The following TIE1 variants were observed in gnomAD, a reference collection of about 807,000 sequenced individuals.
The protein encoded by TIE1 is tyrosine-protein kinase receptor Tie-1.
Under a neutral mutation model 130.5 loss-of-function variants are expected in TIE1, and 89 were observed. The observed-to-expected ratio is 0.68, with a 90% CI of 0.57 to 0.81. TIE1 has a LOEUF of 0.81. Among genes scored for constraint, TIE1 ranks in the 40% least tolerant of loss-of-function variants. TIE1 has a pLI of 0.00. For synonymous variants in TIE1, 568 were observed against 629.4 expected (o/e 0.90, Z 1.46); for missense variants, 1,392 against 1,559.8 (o/e 0.89, Z 1.81).
In TIE1 at chr1:43,313,949, T is replaced by C; in HGVS notation, c.2390T>C (p.Phe797Ser). 2.5e-6 allele frequency: 4 copies of C among 1,614,162 alleles called. No individual in the cohort carries two copies. The highest frequency in any genetic ancestry group is 3.4e-6 in the Non-Finnish European group (4 of 1,180,024). The change falls in exon 14 of 23, where the codon TTC (phenylalanine) becomes TCC (serine). Residue 797 changes from phenylalanine to serine, a missense_variant. By Grantham distance (155) the Phe-to-Ser change is radical. Around this residue, in one of 6 missense-constraint regions of TIE1, gnomAD observed 286 missense variants for 354.4 expected, o/e 0.81. Transcript: ENST00000372476. The surrounding 1 kb of genome is among the most constrained non-coding windows in gnomAD (Gnocchi z 6.2). ...AGCTGCCTGCATCGGAGACGCACCT[T>C]CACCTACCAGTCAGGCTCGGTCAGT... The part of the protein sequence containing the change: ...RRSCLHRRRT[F>S]TYQSGSGEET...
At chr1:43,314,241 T>C (rs1646837048) in intron 14 of TIE1, 1 of 702,138 alleles carries the variant, frequency 1.4e-6, no homozygotes, top group South Asian at 1.9e-5. Context: ...TATTTCACAA[T>C]GGACATTCCA....
chr1:43,307,995 AAG>A lies in TIE1; in HGVS notation c.1042+76_1042+77del. The A allele has an allele frequency of 6.3e-7, 1 of 1,589,868 alleles. No homozygotes were observed. Among genetic ancestry groups the A allele is most frequent in the Non-Finnish European group, 8.6e-7 (1 of 1,165,258 alleles). On this transcript the variant is annotated intron_variant, in intron 7 of 22. Transcript: ENST00000372476. The surrounding 1 kb of genome is among the most constrained non-coding windows in gnomAD (Gnocchi z 5.4). ...TTTACCAAACACATCTCCCCGGTGG[AAG>A]AGAGTAGTCCCTCCTTTCCCTACGA...
In TIE1 at chr1:43,307,388, A is replaced by G. The variant is rs1376012029; in HGVS notation, c.773-44A>G. ...AGGGCGACAGGCAGGTCCTGGGCCC[A>G]GGGGCCCACAGAGGCCCATACACCC... On this transcript the variant is annotated intron_variant, in intron 5 of 22. Coordinates refer to ENST00000372476, the MANE Select transcript of TIE1 (RefSeq NM_005424.5). This position sits in a 1 kb window ranked among gnomAD's most constrained non-coding sequence, Gnocchi z 5.4. 4.3e-6 allele frequency: 7 copies of G among 1,609,698 alleles called. No homozygotes were observed. Among genetic ancestry groups the G allele is most frequent in the Non-Finnish European group, 5.1e-6 (6 of 1,176,744 alleles).
At position 43,304,969 on chromosome 1, in the gene TIE1, G is replaced by A; in HGVS notation, c.177G>A (p.Pro59=). 2 of 1,467,822 alleles carry A rather than the reference G, an allele frequency of 1.4e-6. No individual in the cohort carries two copies. The highest frequency in any genetic ancestry group is 2.8e-5 in the South Asian group (2 of 70,634). 90.9% of individuals were successfully genotyped at this position (1,467,822 alleles called of 1,614,324 possible). Residue 59 remains proline, a synonymous_variant, in exon 2 of 23, where the codon CCG becomes CCA. Coordinates refer to ENST00000372476, the MANE Select transcript of TIE1 (RefSeq NM_005424.5). ...GAGRGSDAWG[P]PLLLEKDDRI... ...GGAGGGGCTCGGACGCCTGGGGCCCGCCCCTGCTGCTGGAGAAGGACGACC... is the reference window on the plus strand; with the variant it reads ...GGAGGGGCTCGGACGCCTGGGGCCCACCCCTGCTGCTGGAGAAGGACGACC...
In TIE1 at chr1:43,318,027, C is replaced by A. The variant is rs953415095; in HGVS notation, c.2877C>A (p.Phe959Leu). Residue 959 changes from phenylalanine (F) to leucine (L), a missense_variant, in exon 17 of 23, where the codon TTC (phenylalanine) becomes TTA (leucine). By Grantham distance (22) the Phe-to-Leu change is conservative. Transcript: ENST00000372476. The surrounding 1 kb of genome is among the most constrained non-coding windows in gnomAD (Gnocchi z 4.4). ...STLSSRQLLR[F>L]ASDAANGMQY... ...TTAGCTCCCGGCAGCTGCTGCGTTT[C>A]GCCAGTGATGCGGCCAATGGCATGC... The A allele has an allele frequency of 6.3e-7, 1 of 1,586,270 alleles. No individual in the cohort carries two copies. Among genetic ancestry groups the A allele is most frequent in the Non-Finnish European group, 8.6e-7 (1 of 1,165,834 alleles).
rs769889504 is a variant in TIE1, at chr1:43,312,166, C to A, written c.1630+35C>A. On this transcript the variant is annotated intron_variant, in intron 11 of 22. Coordinates refer to ENST00000372476, the MANE Select transcript of TIE1 (RefSeq NM_005424.5). The surrounding 1 kb of genome is among the most constrained non-coding windows in gnomAD (Gnocchi z 5.6). ...CAAGAGTCATCCCTTCCTGTCCCCC[C>A]AAGGGTTACTTTCCCGTCGACCCCA... is the stretch of plus-strand genomic sequence containing the variant. 5.9e-6 allele frequency: 9 copies of A among 1,516,520 alleles called. No individual in the cohort carries two copies. Among genetic ancestry groups the A allele is most frequent in the Admixed American group, 4.4e-5 (2 of 45,032 alleles). 93.9% of individuals were successfully genotyped at this position (1,516,520 alleles called of 1,614,324 possible).
intron 1 of TIE1, among the ~76,000 whole-genome samples, chr1:43,301,385 G>C (rs1646668128): frequency 6.6e-6 from 1 of 151,998 alleles, no homozygotes; most frequent in African/African-American, 2.4e-5. Flanking sequence ...ACTTTGGATG[G>C]CTGAGATGGG....
In TIE1 at chr1:43,319,645, C is replaced by A; in HGVS notation, c.3107+116C>A. ...TCTAAGGCATGACCTGGGCTGTGTT[C>A]CAGGTGTGACACAGGTGTGTCTTGG... On this transcript the variant is annotated intron_variant, in intron 19 of 22. Transcript: ENST00000372476. The surrounding 1 kb of genome is among the most constrained non-coding windows in gnomAD (Gnocchi z 4.7). 1 of 1,058,838 alleles carries A rather than the reference C, an allele frequency of 9.4e-7. No individual in the cohort carries two copies. The highest frequency in any genetic ancestry group is 1.5e-6 in the Non-Finnish European group (1 of 689,030). 65.6% of individuals were successfully genotyped at this position (1,058,838 alleles called of 1,614,324 possible).
rs1225372812 is a variant in TIE1 at position 43,307,214 on chromosome 1, A to C, written c.713A>C (p.His238Pro). Residue 238 changes from histidine (H) to proline (P), a missense_variant, in exon 5 of 23, where the codon CAC (histidine) becomes CCC (proline). By Grantham distance (77) the His-to-Pro change is moderately conservative. Around this residue, in one of 6 missense-constraint regions of TIE1, gnomAD observed 415 missense variants for 424.8 expected, o/e 0.98. Coordinates refer to ENST00000372476, the MANE Select transcript of TIE1 (RefSeq NM_005424.5). The surrounding 1 kb of genome is among the most constrained non-coding windows in gnomAD (Gnocchi z 5.4). Reference sequence around the variant, plus strand: ...GGTTGCCTACATGGAGGTGTCTGCCACGACCATGACGGCGAATGTGTATGC... The same window carrying C: ...GGTTGCCTACATGGAGGTGTCTGCCCCGACCATGACGGCGAATGTGTATGC... ...CPGCLHGGVC[H>P]DHDGECVCPP... 1 of 1,614,128 alleles carries C rather than the reference A, an allele frequency of 6.2e-7. No homozygotes were observed. Among genetic ancestry groups the C allele is most frequent in the Non-Finnish European group, 8.5e-7 (1 of 1,180,006 alleles).
rs1646715041 is a variant in TIE1 at position 43,305,166 on chromosome 1, G to A, written c.373+1G>A. On this transcript the variant is annotated splice_donor_variant, in intron 2 of 22. Transcript: ENST00000372476. LOFTEE classifies it high-confidence loss of function. ...ATCTACGTGCACAACAGCCCTGGAG[G>A]TGAGTTAGGCAGGCGGGGGGATGGC... The A allele has an allele frequency of 1.9e-6, 3 of 1,614,088 alleles. No individual in the cohort carries two copies. Among genetic ancestry groups the A allele is most frequent in the Non-Finnish European group, 2.5e-6 (3 of 1,179,984 alleles).
rs549585866 is a variant in TIE1 at position 43,307,228 on chromosome 1, G to A, written c.727G>A (p.Glu243Lys). The change falls in exon 5 of 23, where the codon GAA (glutamate) becomes AAA (lysine). Residue 243 changes from glutamate (E) to lysine (K), a missense_variant. By Grantham distance (56) the Glu-to-Lys change is moderately conservative (BLOSUM62 1). Coordinates refer to ENST00000372476, the MANE Select transcript of TIE1 (RefSeq NM_005424.5). The surrounding 1 kb of genome is among the most constrained non-coding windows in gnomAD (Gnocchi z 5.4). ...HGGVCHDHDG[E>K]CVCPPGFTGT... ...AGGTGTCTGCCACGACCATGACGGC[G>A]AATGTGTATGCCCCCCTGGCTTCAC... 3.8e-5 allele frequency: 62 copies of A among 1,614,148 alleles called. No individual in the cohort carries two copies. In the East Asian group the frequency reaches 5.6e-4, roughly 15 times the overall value.
At chr1:43,320,649 G>C (rs772122879) in intron 19 of TIE1, 1 of 152,146 alleles carries the variant, frequency 6.6e-6, no homozygotes, top group Admixed American at 6.5e-5. Flanking sequence ...TCAGGAGATC[G>C]AGACCATCCT....
chr1:43,308,969 G>T lies in TIE1; in HGVS notation c.1043-17G>T, dbSNP rs373874740. The T allele has an allele frequency of 2.5e-6, 4 of 1,614,020 alleles. No homozygotes were observed. The highest frequency in any genetic ancestry group is 3.4e-6 in the Non-Finnish European group (4 of 1,179,966). On this transcript the variant is annotated splice_polypyrimidine_tract_variant and intron_variant, in intron 7 of 22. Coordinates refer to ENST00000372476, the MANE Select transcript of TIE1 (RefSeq NM_005424.5). ...TGCCCCTGTGGGAGCTCCAGGATGA[G>T]TGTCCTTTCTCCCCAGACCGGATCC... is the stretch of plus-strand genomic sequence containing the variant.
chr1:43,308,836 C>G, intron 7 of TIE1, 150 bp from the exon 8 acceptor site: 1 of 1,003,628 alleles, frequency 1.0e-6, no homozygotes, highest in East Asian at 2.6e-5. Context: ...GGCTGGGACG[C>G]TGGAGGAGTC....
In TIE1 at chr1:43,309,492, T is replaced by C. The variant is rs552209040; in HGVS notation, c.1293T>C (p.Ser431=). 4.4e-6 allele frequency: 7 copies of C among 1,605,738 alleles called. No individual in the cohort carries two copies. In the South Asian group the frequency reaches 6.7e-5, roughly 15 times the overall value. Reference sequence around the variant, plus strand: ...TCTGGGAGTGCCGTGTGTCCACATCTGGCGGCCAAGACAGCCGGCGCTTCA... The same window carrying C: ...TCTGGGAGTGCCGTGTGTCCACATCCGGCGGCCAAGACAGCCGGCGCTTCA... ...SGFWECRVST[S]GGQDSRRFKV... is the part of the protein sequence containing the mutation. The change falls in exon 9 of 23, where the codon TCT becomes TCC. Residue 431 remains serine (S), a synonymous_variant. Coordinates refer to ENST00000372476, the MANE Select transcript of TIE1 (RefSeq NM_005424.5). The surrounding 1 kb of genome is among the most constrained non-coding windows in gnomAD (Gnocchi z 6.3).
chr1:43,311,559 A>C, intron 9 of TIE1, 112 bp from the exon 10 acceptor site: 1 of 1,407,374 alleles, frequency 7.1e-7, no homozygotes, highest in Non-Finnish European at 9.6e-7. Flanking sequence ...CACTATGGTC[A>C]TCTGTTGAAC....
rs1055145276 is a variant in TIE1 at position 43,318,320 on chromosome 1, C to T, written c.2922+248C>T. On this transcript the variant is annotated intron_variant, in intron 17 of 22. Transcript: ENST00000372476. This position sits in a 1 kb window ranked among gnomAD's most constrained non-coding sequence, Gnocchi z 4.4. ...GCTAGCCTGGAACTCAGGAGAGAGG[C>T]CCAGGCTGGAGACAGCATCTGTGTG... Among the ~76,000 whole-genome samples, 1 of 152,084 alleles carries T rather than the reference C, an allele frequency of 6.6e-6. No individual in the cohort carries two copies. The highest frequency in any genetic ancestry group is 1.5e-5 in the Non-Finnish European group (1 of 68,004).
At position 43,309,525 on chromosome 1, in the gene TIE1, T is replaced by C; in HGVS notation, c.1326T>C (p.Asn442=). ...GGQDSRRFKV[N]VKVPPVPLAA... ...AAGACAGCCGGCGCTTCAAGGTCAA[T>C]GTGAAAGGTCAGTGATGTCCTAGGT... Residue 442 remains asparagine (N), a synonymous_variant, in exon 9 of 23, where the codon AAT becomes AAC. Transcript: ENST00000372476. This position sits in a 1 kb window ranked among gnomAD's most constrained non-coding sequence, Gnocchi z 6.3. The C allele has an allele frequency of 1.3e-6, 2 of 1,585,608 alleles. No homozygotes were observed. Among genetic ancestry groups the C allele is most frequent in the Non-Finnish European group, 8.6e-7 (1 of 1,168,168 alleles).
intron 1 of TIE1, 42 bp from the exon 2 acceptor site, chr1:43,304,809 T>G: frequency 7.2e-7 from 1 of 1,386,732 alleles, no homozygotes; most frequent in East Asian, 2.8e-5. Flanking sequence ...GGCACTAGGG[T>G]TGGCTGGGAC....
Sources: allele counts gnomAD v4.1 joint callset (sites outside exome capture counted in the v4.1 genomes callset), GRCh38; gene constraint gnomAD v4.1.1; regional missense constraint gnomAD v4.1.1; non-coding constraint Gnocchi (gnomAD v3.1); transcripts MANE v1.5; gene names NCBI Gene and HGNC (gene_info 2026-07-23, HGNC 2026-07-21).